KAT5: variants seen among roughly 807,000 people sequenced by gnomAD.
The protein encoded by KAT5 is histone acetyltransferase KAT5.
Under a neutral mutation model 68.1 loss-of-function variants are expected in KAT5, and 31 were observed. The observed-to-expected ratio is 0.46, with a 90% CI of 0.34 to 0.61. KAT5 has a LOEUF of 0.61. KAT5 is among the 20% of genes least tolerant of loss of function. The pLI, the probability that KAT5 is intolerant of heterozygous loss-of-function variation, is 0.01. For synonymous variants in KAT5, 365 were observed against 292.6 expected (o/e 1.25, Z -2.52); for missense variants, 451 against 725.5 (o/e 0.62, Z 4.35).
chr11:65,717,004 A>G (rs2135638423), intron 10 of KAT5, 22 bp downstream of exon 10: 1 of 1,577,228 alleles, frequency 6.3e-7, no homozygotes, highest in Non-Finnish European at 8.7e-7. Context: ...TGCTGCGGCC[A>G]GGGGGTAGTG....
rs148238235 is a variant in KAT5 at position 65,713,405 on chromosome 11, C to G, written c.442C>G (p.Arg148Gly). 1 of 1,614,140 alleles carries G rather than the reference C, an allele frequency of 6.2e-7. No individual in the cohort carries two copies. The highest frequency in any genetic ancestry group is 1.1e-5 in the South Asian group (1 of 91,080). ...TLPIPVQITL[R>G]FNLPKEREAI... ...GCCAATCCCGGTCCAGATCACACTCCGCTTCAACCTGCCCAAGGAGCGGGA... is the reference window on the plus strand; with the variant it reads ...GCCAATCCCGGTCCAGATCACACTCGGCTTCAACCTGCCCAAGGAGCGGGA... The change falls in exon 4 of 13, where the codon CGC becomes GGC. Residue 148 changes from arginine to glycine, a missense_variant. Physicochemically the swap from Arg to Gly is moderately radical, Grantham distance 125. Transcript: ENST00000341318.
In KAT5 at chr11:65,717,110, T is replaced by C. The variant is rs1302706499; in HGVS notation, c.1264+128T>C. On this transcript the variant is annotated intron_variant, in intron 10 of 12. Coordinates refer to ENST00000341318, the MANE Select transcript of KAT5 (RefSeq NM_182710.3). ...AGCCTCTAGGGGAACCAGCCAGAAA[T>C]AACAGTGGCACTCTCCCGGGGTTCT... 12 of 724,878 alleles carry C rather than the reference T, an allele frequency of 1.7e-5. No individual in the cohort carries two copies. The Admixed American group carries it at 2.6e-4, about 16-fold the overall frequency. The allele number at this position is 724,878 out of a possible 1,614,324, so 44.9% of individuals were successfully genotyped here.
At chr11:65,714,428 G>A (rs1857129766) in intron 6 of KAT5, 67 bp from the exon 7 acceptor site, 6 of 1,563,960 alleles carry the variant, frequency 3.8e-6, no homozygotes, top group African/African-American at 1.3e-5. Flanking sequence ...CTGTCAAAGG[G>A]CTGTGAGCTG....
intron 6 of KAT5, 31 bp downstream of exon 6, chr11:65,713,879 G>A (rs769080127): frequency 6.5e-7 from 1 of 1,546,480 alleles, no homozygotes; most frequent in Admixed American, 2.0e-5. Context: ...AAGGGAACTG[G>A]GTGAAAAGGA....
chr11:65,716,912 C>T lies in KAT5; in HGVS notation c.1194C>T (p.Tyr398=). The T allele has an allele frequency of 6.2e-7, 1 of 1,614,128 alleles. No individual in the cohort carries two copies. The highest frequency in any genetic ancestry group is 8.5e-7 in the Non-Finnish European group (1 of 1,179,972). ...AGGAGAAAGAATCAACGGAAGACTA[C>T]AATGTGGCCTGCATCCTAACCCTGC... is the stretch of plus-strand genomic sequence containing the variant. ...FSKEKESTED[Y]NVACILTLPP... Residue 398 remains tyrosine, a synonymous_variant, in exon 10 of 13, where the codon TAC becomes TAT. Coordinates refer to ENST00000341318, the MANE Select transcript of KAT5 (RefSeq NM_182710.3).
At chr11:65,718,032 T>A (rs1857261434) in intron 10 of KAT5, 1 of 153,688 alleles carries the variant, frequency 6.5e-6, no homozygotes, top group Admixed American at 6.4e-5. Context: ...TGGGGGTCAG[T>A]CACGTGGCTC....
At chr11:65,715,060 G>T (rs750398675) in intron 8 of KAT5, 150 bp downstream of exon 8, 34 of 687,208 alleles carry the variant, frequency 4.9e-5, no homozygotes, top group Non-Finnish European at 8.3e-5. Flanking sequence ...AGCCAGGAAT[G>T]AGACAGTCTC....
chr11:65,719,348 G>T lies in KAT5; in HGVS notation c.*167G>T. ...GGGCCCACTGGTGCCCAGCACCAAGGCGAGCTCCGGGCTCAGACCAACTCC... is the reference window on the plus strand; with the variant it reads ...GGGCCCACTGGTGCCCAGCACCAAGTCGAGCTCCGGGCTCAGACCAACTCC... On this transcript the variant is annotated 3_prime_UTR_variant, in exon 13 of 13. Transcript: ENST00000341318. 1 of 856,024 alleles carries T rather than the reference G, an allele frequency of 1.2e-6. No individual in the cohort carries two copies. The highest frequency in any genetic ancestry group is 1.8e-6 in the Non-Finnish European group (1 of 569,636). The allele number at this position is 856,024 out of a possible 1,614,324, so 53.0% of individuals were successfully genotyped here.
intron 10 of KAT5, 82 bp downstream of exon 10, chr11:65,717,064 T>C: frequency 9.0e-7 from 1 of 1,116,974 alleles, no homozygotes; most frequent in Non-Finnish European, 1.4e-6. Context: ...ACTGTGATTC[T>C]CAACCCTGGC....
At position 65,718,921 on chromosome 11, in the gene KAT5, T is replaced by C. The variant is rs886048491; in HGVS notation, c.1473T>C (p.Thr491=). 1.9e-6 allele frequency: 3 copies of C among 1,614,156 alleles called. No homozygotes were observed. Among genetic ancestry groups the C allele is most frequent in the Non-Finnish European group, 2.5e-6 (3 of 1,180,024 alleles). ...TSIKKEDVIS[T]LQYLNLINYY... ...TCAAGAAGGAGGATGTCATCTCCACTCTGCAGTACCTCAATCTCATCAACT... is the reference window on the plus strand; with the variant it reads ...TCAAGAAGGAGGATGTCATCTCCACCCTGCAGTACCTCAATCTCATCAACT... The change falls in exon 12 of 13, where the codon ACT becomes ACC. Residue 491 remains threonine, a synonymous_variant. Transcript: ENST00000341318.
intron 12 of KAT5, 42 bp downstream of exon 12, chr11:65,718,996 G>C (rs1857302787): frequency 1.2e-6 from 2 of 1,614,068 alleles, no homozygotes; most frequent in African/African-American, 2.7e-5. Context: ...GGGATGCAGA[G>C]TGCAGTCCTC....
intron 8 of KAT5, chr11:65,716,274 T>G (rs766617278): frequency 5.3e-6 from 1 of 190,288 alleles, no homozygotes; most frequent in Non-Finnish European, 1.1e-5. Context: ...GGTCAGAGTC[T>G]CACTTTGGAC....
At chr11:65,712,655 A>T in intron 1 of KAT5, 111 bp from the exon 2 acceptor site, 1 of 1,345,466 alleles carries the variant, frequency 7.4e-7, no homozygotes, top group East Asian at 2.3e-5. Flanking sequence ...CTTAGGAGAG[A>T]CCTAAGTGCT....
Position 65,716,761 on chromosome 11 carries a change from C to CA in KAT5, c.1125dup (p.Glu376ArgfsTer3). 6.2e-7 allele frequency: 1 copy of CA among 1,613,902 alleles called. No homozygotes were observed. Among genetic ancestry groups the CA allele is most frequent in the Non-Finnish European group, 8.5e-7 (1 of 1,179,774 alleles). The stretch of plus-strand genomic sequence containing the variant: ...GACCCTTTCCTCTTCTACGTCATGA[C>CA]AGAGTATGACTGTAAGGGCTTCCAC... On this transcript the variant is annotated frameshift_variant, in exon 9 of 13. Coordinates refer to ENST00000341318, the MANE Select transcript of KAT5 (RefSeq NM_182710.3). LOFTEE classifies it high-confidence loss of function.
At chr11:65,716,011 T>A (rs1449375367) in intron 8 of KAT5, 1 of 128,530 alleles carries the variant, frequency 7.8e-6, no homozygotes, top group Non-Finnish European at 1.6e-5. Flanking sequence ...GTGACAGGAG[T>A]GAGACCCTGT....
intron 8 of KAT5, chr11:65,715,908 C>G (rs539312477): frequency 6.6e-6 from 1 of 151,600 alleles, no homozygotes; most frequent in Non-Finnish European, 1.5e-5. Context: ...CCCAGGTACT[C>G]GGGAGGCTGA....
chr11:65,713,935 A>T, intron 6 of KAT5, 87 bp downstream of exon 6: 4 of 1,219,314 alleles, frequency 3.3e-6, no homozygotes, highest in Non-Finnish European at 4.7e-6. Context: ...GAGTTTAAAA[A>T]TAAAGAAGGG....
intron 11 of KAT5, 22 bp downstream of exon 11, chr11:65,718,771 TG>T (rs1857294404): frequency 6.2e-7 from 1 of 1,613,956 alleles, no homozygotes. Flanking sequence ...GCTGTCTACC[TG>T]GGGGTACATG....
At position 65,714,668 on chromosome 11, in the gene KAT5, C is replaced by T; in HGVS notation, c.864C>T (p.Thr288=). ...TCTCCCCGTACCCACAGGAACTCAC[C>T]ACATTGCCTGTCCTCTACCTGTGCG... ...WYFSPYPQEL[T]TLPVLYLCEF... is the part of the protein sequence containing the mutation. The change falls in exon 7 of 13, where the codon ACC becomes ACT. Residue 288 remains threonine, a synonymous_variant. Coordinates refer to ENST00000341318, the MANE Select transcript of KAT5 (RefSeq NM_182710.3). The T allele has an allele frequency of 6.2e-7, 1 of 1,614,234 alleles. No individual in the cohort carries two copies. The highest frequency in any genetic ancestry group is 8.5e-7 in the Non-Finnish European group (1 of 1,180,036).
Sources: allele counts gnomAD v4.1 joint callset, GRCh38; gene constraint gnomAD v4.1.1; transcripts MANE v1.5; gene names NCBI Gene and HGNC (gene_info 2026-07-23, HGNC 2026-07-21).